The following CAVIN2 variants were observed in gnomAD, a reference collection of about 807,000 sequenced individuals.
The protein encoded by CAVIN2 is caveolae-associated protein 2.
CAVIN2 carries 13 observed loss-of-function variants against 11.7 expected under a neutral mutation model. The ratio of observed to expected loss-of-function variants is 1.11; its 90% CI spans 0.72 to 1.77. CAVIN2 has a LOEUF of 1.77. Ranked by LOEUF, CAVIN2 falls within the 40% of genes most tolerant of loss-of-function variation. The probability of loss-of-function intolerance (pLI) is 0.00; values close to 1 mark genes in which losing one functional copy is unlikely to be tolerated. For synonymous variants in CAVIN2, 237 were observed against 223.2 expected (o/e 1.06, Z -0.55); for missense variants, 549 against 542.9 (o/e 1.01, Z -0.11).
At position 191,847,038 on chromosome 2, in the gene CAVIN2, G is replaced by T; in HGVS notation, c.-113C>A. On this transcript the variant is annotated 5_prime_UTR_variant, in exon 1 of 2. It adds an upstream start codon to the 5' untranslated region. Coordinates refer to ENST00000304141, the MANE Select transcript of CAVIN2 (RefSeq NM_004657.6). Reference sequence around the variant, plus strand: ...CCGCTGGTTGGAGCTCAGGGCACCAGTCTCCAGGACTGGCAGAGGTTCAGA... The same window carrying T: ...CCGCTGGTTGGAGCTCAGGGCACCATTCTCCAGGACTGGCAGAGGTTCAGA... 7.2e-7 allele frequency: 1 copy of T among 1,382,386 alleles called. No individual in the cohort carries two copies. Among genetic ancestry groups the T allele is most frequent in the Non-Finnish European group, 9.7e-7 (1 of 1,030,886 alleles). The allele number at this position is 1,382,386 out of a possible 1,614,324, so 85.6% of individuals were successfully genotyped here. A position where few individuals can be genotyped will look rare whatever the true frequency, so the allele number is the denominator to read the frequency against.
chr2:191,835,337 A>G lies in CAVIN2; in HGVS notation c.*586T>C, dbSNP rs998135228. The G allele has an allele frequency of 6.6e-6, 1 of 152,134 alleles. No individual in the cohort carries two copies. Among genetic ancestry groups the G allele is most frequent in the Non-Finnish European group, 1.5e-5 (1 of 68,050 alleles). The allele number at this position is 152,134 out of a possible 1,614,324, so 9.4% of individuals were successfully genotyped here. A position where few individuals can be genotyped will look rare whatever the true frequency, so the allele number is the denominator to read the frequency against. ...TATCTTACTTCATTAGCTGACTTTTATAATCTCTTCATTTTTCCTTCGTTT... is the reference window on the plus strand; with the variant it reads ...TATCTTACTTCATTAGCTGACTTTTGTAATCTCTTCATTTTTCCTTCGTTT... On this transcript the variant is annotated 3_prime_UTR_variant, in exon 2 of 2. Transcript: ENST00000304141.
chr2:191,839,978 T>A (rs1290246906), intron 1 of CAVIN2, among the ~76,000 whole-genome samples: 2 of 152,162 alleles, frequency 1.3e-5, no homozygotes, highest in East Asian at 3.9e-4. Context: ...GTGAAGTAAC[T>A]CTTATGGTGG....
At chr2:191,841,987 T>C (rs1690100378) in intron 1 of CAVIN2, among the ~76,000 whole-genome samples, 2 of 152,234 alleles carry the variant, frequency 1.3e-5, no homozygotes, top group Non-Finnish European at 2.9e-5. Flanking sequence ...TGTAGCGTGA[T>C]AGAAACATGG....
At position 191,846,784 on chromosome 2, in the gene CAVIN2, G is replaced by A; in HGVS notation, c.142C>T (p.Arg48Trp). 6.2e-7 allele frequency: 1 copy of A among 1,614,148 alleles called. No homozygotes were observed. Among genetic ancestry groups the A allele is most frequent in the Non-Finnish European group, 8.5e-7 (1 of 1,180,040 alleles). The change falls in exon 1 of 2, where the codon CGG becomes TGG. Residue 48 changes from arginine (R) to tryptophan (W), a missense_variant. Transcript: ENST00000304141. Reference sequence around the variant, plus strand: ...ACTGCGTTCACCTGTGAGTTGTCCCGGATGGCCTCCTCTGTGTTCCCTAGG... The same window carrying A: ...ACTGCGTTCACCTGTGAGTTGTCCCAGATGGCCTCCTCTGTGTTCCCTAGG... ...LNLGNTEEAI[R>W]DNSQVNAVTV... is the part of the protein sequence containing the mutation.
rs1248907275 is a variant in CAVIN2, at chr2:191,835,931, T to A, written c.1270A>T (p.Thr424Ser). Reference protein sequence around the residue: ...VQPAVLQVHQTS With the variant: ...VQPAVLQVHQSS ...GCACGGTGGCTCTAAGCTCAGGAGG[T>A]CTGGTGCACCTGGAGCACGGCGGGC... is the stretch of plus-strand genomic sequence containing the variant. The change falls in exon 2 of 2, where the codon ACC becomes TCC. Residue 424 changes from threonine to serine, a missense_variant. Coordinates refer to ENST00000304141, the MANE Select transcript of CAVIN2 (RefSeq NM_004657.6). 6.2e-7 allele frequency: 1 copy of A among 1,611,120 alleles called. No homozygotes were observed. The highest frequency in any genetic ancestry group is 2.2e-5 in the East Asian group (1 of 44,868).
At chr2:191,845,240 G>A (rs1443867559) in intron 1 of CAVIN2, among the ~76,000 whole-genome samples, 1 of 152,198 alleles carries the variant, frequency 6.6e-6, no homozygotes, top group Admixed American at 6.5e-5. Context: ...TGCAATTTGA[G>A]GAGGACAAAA....
Position 191,835,997 on chromosome 2 carries a change from T to C in CAVIN2, c.1204A>G (p.Thr402Ala), listed in dbSNP as rs573681542. 1.2e-6 allele frequency: 2 copies of C among 1,614,204 alleles called. No homozygotes were observed. The highest frequency in any genetic ancestry group is 2.2e-5 in the South Asian group (2 of 91,084). ...TCGGAGCGCTCCGCCTCCTCGGATG[T>C]TAGCGCGTAGCTACCCTCATAGCGT... ...KVRYEGSYALTSEEAERSDGD... is the reference protein window; with the variant it reads ...KVRYEGSYALASEEAERSDGD... Residue 402 changes from threonine (T) to alanine (A), a missense_variant, in exon 2 of 2, where the codon ACA (threonine) becomes GCA (alanine). Coordinates refer to ENST00000304141, the MANE Select transcript of CAVIN2 (RefSeq NM_004657.6).
rs765219749 is a variant in CAVIN2 at position 191,846,819 on chromosome 2, G to C, written c.107C>G (p.Pro36Arg). 3.0e-5 allele frequency: 49 copies of C among 1,614,210 alleles called. No homozygotes were observed. The highest frequency in any genetic ancestry group is 4.1e-5 in the Non-Finnish European group (48 of 1,180,042). Reference sequence around the variant, plus strand: ...CTCTGTGTTCCCTAGGTTCAGGCTGGGGCTTGGTGTGGAGGAAGGCATCGG... The same window carrying C: ...CTCTGTGTTCCCTAGGTTCAGGCTGCGGCTTGGTGTGGAGGAAGGCATCGG... ...PSPMPSSTPSPSLNLGNTEEA... is the reference protein window; with the variant it reads ...PSPMPSSTPSRSLNLGNTEEA... Residue 36 changes from proline to arginine, a missense_variant, in exon 1 of 2, where the codon CCC becomes CGC. Pro to Arg is a moderately radical substitution (Grantham distance 103, BLOSUM62 -2). Coordinates refer to ENST00000304141, the MANE Select transcript of CAVIN2 (RefSeq NM_004657.6).
rs747733866 is a variant in CAVIN2, at chr2:191,846,885, G to C, written c.41C>G (p.Pro14Arg). The C allele has an allele frequency of 5.6e-6, 9 of 1,613,758 alleles. No homozygotes were observed. ...CTTTTCCTGCCGCATGTCAGACCCA[G>C]GGTGCTGGAACTTTTCGGCCTGTGC... ...DAAQAEKFQH[P>R]GSDMRQEKPS... The change falls in exon 1 of 2, where the codon CCT (proline) becomes CGT (arginine). Residue 14 changes from proline to arginine, a missense_variant. Physicochemically the swap from Pro to Arg is moderately radical, Grantham distance 103 (BLOSUM62 -2). Coordinates refer to ENST00000304141, the MANE Select transcript of CAVIN2 (RefSeq NM_004657.6).
chr2:191,844,457 C>T (rs1423000620), intron 1 of CAVIN2, among the ~76,000 whole-genome samples: 1 of 152,116 alleles, frequency 6.6e-6, no homozygotes, highest in Non-Finnish European at 1.5e-5. Context: ...CAGTCACTTG[C>T]CTCTAGTTTC....
At chr2:191,841,774 A>G (rs1030927037) in intron 1 of CAVIN2, among the ~76,000 whole-genome samples, 3 of 152,178 alleles carry the variant, frequency 2.0e-5, no homozygotes, top group African/African-American at 7.2e-5. Context: ...GAAGGAGTCT[A>G]GTTTTTTTTT....
chr2:191,838,275 G>A (rs560783228), intron 1 of CAVIN2, among the ~76,000 whole-genome samples: 1 of 152,236 alleles, frequency 6.6e-6, no homozygotes, highest in Admixed American at 6.5e-5. Context: ...TTGATACAAA[G>A]ACTAAATAAA....
In CAVIN2 at chr2:191,846,670, A is replaced by T. The variant is rs200554518; in HGVS notation, c.256T>A (p.Leu86Met). Residue 86 changes from leucine to methionine, a missense_variant, in exon 1 of 2, where the codon TTG (leucine) becomes ATG (methionine). Leu to Met is a conservative substitution (Grantham distance 15). Transcript: ENST00000304141. ...TGGATGCCCTTCACGGAGCCCTCCA[A>T]ACTGATCTGTCGCTGCTCCATCTTG... ...QHKMEQRQIS[L>M]EGSVKGIQND... 1.2e-6 allele frequency: 2 copies of T among 1,614,166 alleles called. No individual in the cohort carries two copies.
At chr2:191,842,774 T>G (rs1690111455) in intron 1 of CAVIN2, among the ~76,000 whole-genome samples, 1 of 152,244 alleles carries the variant, frequency 6.6e-6, no homozygotes, top group South Asian at 2.1e-4. Flanking sequence ...TTAAAGTAAT[T>G]GCTAAGAAAT....
chr2:191,838,368 A>G (rs1169109365), intron 1 of CAVIN2, among the ~76,000 whole-genome samples: 1 of 152,240 alleles, frequency 6.6e-6, no homozygotes, highest in Non-Finnish European at 1.5e-5. Context: ...CTTGAAAAAT[A>G]CAACCCTGTG....
At chr2:191,842,756 G>A (rs1256627105) in intron 1 of CAVIN2, among the ~76,000 whole-genome samples, 1 of 152,188 alleles carries the variant, frequency 6.6e-6, no homozygotes, top group African/African-American at 2.4e-5. Context: ...GACACTACTG[G>A]TTATAATTTA....
chr2:191,839,442 T>G (rs1402888870), intron 1 of CAVIN2, among the ~76,000 whole-genome samples: 1 of 152,240 alleles, frequency 6.6e-6, no homozygotes, highest in East Asian at 1.9e-4. Flanking sequence ...ACTCTTTCGA[T>G]TCTTTTATCA....
At position 191,845,224 on chromosome 2, in the gene CAVIN2, T is replaced by A. The variant is rs544696449; in HGVS notation, c.483+1219A>T. Among the ~76,000 whole-genome samples the A allele has an allele frequency of 2.6e-5, 4 of 152,296 alleles. No homozygotes were observed. In the South Asian group the frequency reaches 8.3e-4, roughly 32 times the overall value. ...ATAGGCTCCCTAAACCTTTACAATATTCAAGTGCAATTTGAGGAGGACAAA... is the reference window on the plus strand; with the variant it reads ...ATAGGCTCCCTAAACCTTTACAATAATCAAGTGCAATTTGAGGAGGACAAA... On this transcript the variant is annotated intron_variant, in intron 1 of 1. Transcript: ENST00000304141.
In CAVIN2 at chr2:191,837,585, G is replaced by C. The variant is rs77395245; in HGVS notation, c.484-868C>G. On this transcript the variant is annotated intron_variant, in intron 1 of 1. Coordinates refer to ENST00000304141, the MANE Select transcript of CAVIN2 (RefSeq NM_004657.6). ...TCACCGTTGCCAGCACTCTCCTCCA[G>C]CTGCCGGGCACACAGGCAAAGATGG... Among the ~76,000 whole-genome samples the C allele has an allele frequency of 5.8e-3, 876 of 152,246 alleles. 6 individuals are homozygous for C. Among genetic ancestry groups the C allele is most frequent in the African/African-American group, 0.02 (840 of 41,530 alleles).
Sources: allele counts gnomAD v4.1 joint callset (sites outside exome capture counted in the v4.1 genomes callset), GRCh38; gene constraint gnomAD v4.1.1; transcripts MANE v1.5; gene names NCBI Gene and HGNC (gene_info 2026-07-23, HGNC 2026-07-21).